AACS: variants seen among roughly 807,000 people sequenced by gnomAD.
The protein encoded by AACS is acetoacetyl-CoA synthetase, also known as acetoacetate-CoA ligase.
In AACS, 69 loss-of-function variants were observed where a neutral mutation model predicts 83.1. The observed-to-expected ratio is 0.83, with a 90% CI of 0.68 to 1.01. The LOEUF is 1.01. Ranked by LOEUF, AACS falls within the 50% of genes least tolerant of loss-of-function variation. AACS has a pLI of 0.00. For missense variants in AACS, 866 were observed against 882.2 expected, an observed-to-expected ratio of 0.98 and a Z score of 0.23; for synonymous variants, 333 against 343.4, an observed-to-expected ratio of 0.97 and a Z score of 0.33.
chr12:125,065,676 G>A lies in AACS; in HGVS notation c.92G>A (p.Arg31His). ...PDSKKNTQMDRFRAAVGAACG... is the reference protein window; with the variant it reads ...PDSKKNTQMDHFRAAVGAACG... ...AGTAAGAAGAACACGCAGATGGACC[G>A]CTTCCGGGCGGCTGTGGGCGCCGCC... is the stretch of plus-strand genomic sequence containing the variant. Residue 31 changes from arginine (R) to histidine (H), a missense_variant, in exon 1 of 18, where the codon CGC becomes CAC. Arg to His is a conservative substitution (Grantham distance 29). Coordinates refer to ENST00000316519, the MANE Select transcript of AACS (RefSeq NM_023928.5). 1 of 1,545,188 alleles carries A rather than the reference G, an allele frequency of 6.5e-7. No homozygotes were observed. The highest frequency in any genetic ancestry group is 8.7e-7 in the Non-Finnish European group (1 of 1,144,474).
In AACS at chr12:125,111,867, A is replaced by G. The variant is rs192291726; in HGVS notation, c.916-2610A>G. Among the ~76,000 whole-genome samples, 6 of 152,342 alleles carry G rather than the reference A, an allele frequency of 3.9e-5. No individual in the cohort carries two copies. The East Asian group carries it at 1.2e-3, about 29-fold the overall frequency. On this transcript the variant is annotated intron_variant, in intron 8 of 17. Transcript: ENST00000316519. ...GAATTAAGGGAAAAACGATGGATGT[A>G]ACTTGTTAAGAGTCACACAGAGAAA...
intron 8 of AACS, among the ~76,000 whole-genome samples, chr12:125,111,310 G>A (rs1166306627): frequency 6.6e-6 from 1 of 151,264 alleles, no homozygotes; most frequent in African/African-American, 2.4e-5. Flanking sequence ...CAAGGGTCGG[G>A]GCGGGGGCGG....
rs112615927 is a variant in AACS at position 125,080,470 on chromosome 12, GTC to G, written c.358+3877_358+3878del. Among the ~76,000 whole-genome samples, 195 of 148,712 alleles carry G rather than the reference GTC, an allele frequency of 1.3e-3. 1 individual carries two copies. The highest frequency in any genetic ancestry group is 1.6e-3 in the Non-Finnish European group (104 of 66,970). On this transcript the variant is annotated intron_variant, in intron 3 of 17. Transcript: ENST00000316519. ...GGGTGGAGACTGAACTGGGTGGGGT[GTC>G]TCTCTCTCTCTCTCTCTGTTACATA...
chr12:125,082,570 C>A (rs1393798096), intron 3 of AACS, among the ~76,000 whole-genome samples: 1 of 151,984 alleles, frequency 6.6e-6, no homozygotes, highest in Non-Finnish European at 1.5e-5. Flanking sequence ...ACCTGTATAT[C>A]CCAGCACTTT....
chr12:125,076,509 G>C lies in AACS; in HGVS notation c.256G>C (p.Gly86Arg), dbSNP rs1458733031. 1 of 1,614,126 alleles carries C rather than the reference G, an allele frequency of 6.2e-7. No individual in the cohort carries two copies. The highest frequency in any genetic ancestry group is 8.5e-7 in the Non-Finnish European group (1 of 1,179,986). ...TCTATAGGTTGTGGACACATCGAAA[G>C]GAATCGCAGATGTCCCCGAGTGGTT... ...VYDEVVDTSKGIADVPEWFKG... is the reference protein window; with the variant it reads ...VYDEVVDTSKRIADVPEWFKG... The change falls in exon 3 of 18, where the codon GGA becomes CGA. Residue 86 changes from glycine (G) to arginine (R), a missense_variant. Coordinates refer to ENST00000316519, the MANE Select transcript of AACS (RefSeq NM_023928.5).
intron 6 of AACS, 68 bp from the exon 7 acceptor site, chr12:125,102,932 G>GA (rs60237232): frequency 0.053 from 59,799 of 1,127,332 alleles, 68 homozygotes; most frequent in African/African-American, 0.077. Context: ...ATATTTTGTG[G>GA]AAAAAAAAAA....
chr12:125,137,744 G>A (rs1420831363), intron 17 of AACS, among the ~76,000 whole-genome samples: 1 of 152,208 alleles, frequency 6.6e-6, no homozygotes, highest in Non-Finnish European at 1.5e-5. Context: ...CTGTGTGTGT[G>A]TGAGTGTGTG....
intron 3 of AACS, among the ~76,000 whole-genome samples, chr12:125,082,009 G>A (rs900161519): frequency 2.0e-5 from 3 of 151,870 alleles, no homozygotes; most frequent in African/African-American, 7.3e-5. Flanking sequence ...CCAAGTAGCT[G>A]GGATTACAGG....
At chr12:125,125,294 A>C (rs1957230702) in intron 12 of AACS, among the ~76,000 whole-genome samples, 1 of 152,196 alleles carries the variant, frequency 6.6e-6, no homozygotes, top group African/African-American at 2.4e-5. Flanking sequence ...AAAACAATAC[A>C]TCTTGGTAGG....
chr12:125,099,484 T>A (rs988728420), intron 5 of AACS, among the ~76,000 whole-genome samples: 3 of 152,234 alleles, frequency 2.0e-5, no homozygotes, highest in Admixed American at 2.0e-4. Context: ...ATGAATCTTT[T>A]ATTCTGTAGT....
intron 4 of AACS, among the ~76,000 whole-genome samples, chr12:125,089,949 A>G (rs908823683): frequency 3.3e-5 from 5 of 151,892 alleles, no homozygotes; most frequent in African/African-American, 9.7e-5. Context: ...CCCATCATCT[A>G]CCCATTCATC....
rs1956568119 is a variant in AACS, at chr12:125,094,840, G to GT, written c.570+3323dup. Among the ~76,000 whole-genome samples, 1 of 152,104 alleles carries GT rather than the reference G, an allele frequency of 6.6e-6. No individual in the cohort carries two copies. Among genetic ancestry groups the GT allele is most frequent in the Non-Finnish European group, 1.5e-5 (1 of 68,010 alleles). ...GTCCTGAGTCTTTTGATGGCTTTGGGTTTTTTGTTTCACTGTTTACCTTTG... is the reference window on the plus strand; with the variant it reads ...GTCCTGAGTCTTTTGATGGCTTTGGGTTTTTTTGTTTCACTGTTTACCTTTG... On this transcript the variant is annotated intron_variant, in intron 5 of 17. Coordinates refer to ENST00000316519, the MANE Select transcript of AACS (RefSeq NM_023928.5). The surrounding 1 kb of genome is among the most constrained non-coding windows in gnomAD (Gnocchi z 4.1).
chr12:125,118,779 T>C lies in AACS; in HGVS notation c.1121+14T>C. On this transcript the variant is annotated intron_variant, in intron 10 of 17. Coordinates refer to ENST00000316519, the MANE Select transcript of AACS (RefSeq NM_023928.5). ...TGACAGGATAGGGTAGGTACCAAGA[T>C]GCTGTGCTCAAAGCAAGGGACAGGC... 1.2e-6 allele frequency: 2 copies of C among 1,613,632 alleles called. No homozygotes were observed. Among genetic ancestry groups the C allele is most frequent in the Middle Eastern group, 1.7e-4 (1 of 6,028 alleles).
chr12:125,127,319 C>T (rs1245551659), intron 12 of AACS: 3 of 152,218 alleles, frequency 2.0e-5, no homozygotes, highest in Non-Finnish European at 4.4e-5. Context: ...ACGTGACTCA[C>T]TCATTTTCGT....
intron 14 of AACS, 48 bp from the exon 15 acceptor site, chr12:125,133,955 A>C: frequency 6.2e-7 from 1 of 1,604,506 alleles, no homozygotes; most frequent in African/African-American, 1.3e-5. Context: ...GCAGCCTGTC[A>C]TGGCCCCTTC....
chr12:125,076,632 C>G, intron 3 of AACS, 21 bp downstream of exon 3: 1 of 1,613,404 alleles, frequency 6.2e-7, no homozygotes, highest in South Asian at 1.1e-5. Flanking sequence ...ATGGCGAGAC[C>G]TGGGATTTCC....
rs536241558 is a variant in AACS at position 125,099,975 on chromosome 12, C to T, written c.571-2704C>T. Among the ~76,000 whole-genome samples, 12 of 151,972 alleles carry T rather than the reference C, an allele frequency of 7.9e-5. No individual in the cohort carries two copies. The East Asian group carries it at 9.7e-4, about 12-fold the overall frequency. On this transcript the variant is annotated intron_variant, in intron 5 of 17. Coordinates refer to ENST00000316519, the MANE Select transcript of AACS (RefSeq NM_023928.5). ...ACAGGCGTGAGCCACTGTGCCCGGC[C>T]GAAATGCATTTTTTCTTCTTGACCA... is the stretch of plus-strand genomic sequence containing the variant.
chr12:125,118,625 C>T lies in AACS; in HGVS notation c.997-16C>T, dbSNP rs41354444. 3.1e-4 allele frequency: 502 copies of T among 1,613,852 alleles called. 2 individuals are homozygous for T. The East Asian group carries it at 0.01, about 32-fold the overall frequency. On this transcript the variant is annotated splice_polypyrimidine_tract_variant and intron_variant, in intron 9 of 17. Transcript: ENST00000316519. ...GCCTAGCGCCCGCTGAAGCCGCATC[C>T]CTCCTGTCTTTGCAGGTCGGCTGGA...
chr12:125,103,986 T>TAAAAAAA (rs1565940149), intron 7 of AACS, among the ~76,000 whole-genome samples: 1 of 1,986 alleles, frequency 5.0e-4, no homozygotes, highest in Non-Finnish European at 2.3e-3. Context: ...AAACTCCGTC[T>TAAAAAAA]CAAAAAAAAA....
Sources: allele counts gnomAD v4.1 joint callset (sites outside exome capture counted in the v4.1 genomes callset), GRCh38; gene constraint gnomAD v4.1.1; non-coding constraint Gnocchi (gnomAD v3.1); transcripts MANE v1.5; gene names NCBI Gene and HGNC (gene_info 2026-07-23, HGNC 2026-07-21).